The following WFDC2 variants were observed in gnomAD, a reference collection of about 807,000 sequenced individuals.
WFDC2 encodes the protein WAP four-disulfide core domain protein 2.
A neutral mutation model predicts 12.5 loss-of-function variants in WFDC2; 8 were observed. The observed-to-expected ratio is 0.64, with a 90% CI of 0.37 to 1.15. The LOEUF is 1.15. WFDC2 is among the 50% of genes most tolerant of loss of function. The probability of loss-of-function intolerance (pLI) is 0.01; values close to 1 mark genes in which losing one functional copy is unlikely to be tolerated. For synonymous variants in WFDC2, 74 were observed against 67.2 expected, an observed-to-expected ratio of 1.10 and a Z score of -0.49; for missense variants, 166 against 159.9, an observed-to-expected ratio of 1.04 and a Z score of -0.21.
intron 2 of WFDC2, among the ~76,000 whole-genome samples, chr20:45,478,003 C>T (rs950799894): frequency 6.6e-6 from 1 of 152,138 alleles, no homozygotes; most frequent in Non-Finnish European, 1.5e-5. Flanking sequence ...TGGTGGACGC[C>T]CCTCCCCCTA....
chr20:45,480,561 G>A (rs958204650), intron 3 of WFDC2, among the ~76,000 whole-genome samples: 1 of 152,090 alleles, frequency 6.6e-6, no homozygotes. Flanking sequence ...AGGTTGTGGT[G>A]AGCTGAGATC....
At chr20:45,473,747 G>A (rs1427746731) in intron 2 of WFDC2, among the ~76,000 whole-genome samples, 1 of 151,758 alleles carries the variant, frequency 6.6e-6, no homozygotes, top group Non-Finnish European at 1.5e-5. Context: ...GATGGGGATA[G>A]CATTGAATCT....
chr20:45,469,894 G>A (rs1020106238), intron 1 of WFDC2, 34 bp downstream of exon 1: 12 of 1,575,906 alleles, frequency 7.6e-6, no homozygotes, highest in Non-Finnish European at 1.0e-5. Context: ...GGCGCCTAGA[G>A]GGGCCGAGCC....
At chr20:45,480,835 C>G (rs2036782391) in intron 3 of WFDC2, among the ~76,000 whole-genome samples, 1 of 152,124 alleles carries the variant, frequency 6.6e-6, no homozygotes, top group Non-Finnish European at 1.5e-5. Context: ...CTATGGTCTC[C>G]CTGGAGCCAG....
chr20:45,471,675 A>G (rs1484528729), intron 2 of WFDC2, among the ~76,000 whole-genome samples: 1 of 152,192 alleles, frequency 6.6e-6, no homozygotes, highest in East Asian at 1.9e-4. Context: ...GGCAGCAGCC[A>G]GATGAGAGAG....
At chr20:45,473,033 G>GT (rs1347782328) in intron 2 of WFDC2, among the ~76,000 whole-genome samples, 10 of 152,022 alleles carry the variant, frequency 6.6e-5, no homozygotes, top group South Asian at 4.1e-4. Flanking sequence ...TTCTAATGGG[G>GT]TTTTTTTCTC....
At position 45,470,635 on chromosome 20, in the gene WFDC2, G is replaced by C. The variant is rs1317873884; in HGVS notation, c.223+103G>C. The C allele has an allele frequency of 2.8e-6, 4 of 1,427,274 alleles. No homozygotes were observed. Among genetic ancestry groups the C allele is most frequent in the Non-Finnish European group, 2.8e-6 (3 of 1,083,498 alleles). 88.4% of individuals were successfully genotyped at this position (1,427,274 alleles called of 1,614,324 possible). Reference sequence around the variant, plus strand: ...GAACAGGGGCGCCCCCGGACCCGGGGACCCCCGGGAAAGTCAAGGCGGTTG... The same window carrying C: ...GAACAGGGGCGCCCCCGGACCCGGGCACCCCCGGGAAAGTCAAGGCGGTTG... On this transcript the variant is annotated intron_variant, in intron 2 of 3. Transcript: ENST00000372676. This position sits in a 1 kb window ranked among gnomAD's most constrained non-coding sequence, Gnocchi z 5.4.
chr20:45,473,197 T>C (rs1030785049), intron 2 of WFDC2, among the ~76,000 whole-genome samples: 2 of 152,242 alleles, frequency 1.3e-5, no homozygotes, highest in African/African-American at 4.8e-5. Context: ...TGGATCCCAT[T>C]TGTCAATTTT....
At chr20:45,474,003 T>C (rs1307565287) in intron 2 of WFDC2, among the ~76,000 whole-genome samples, 1 of 152,238 alleles carries the variant, frequency 6.6e-6, no homozygotes, top group Admixed American at 6.5e-5. Context: ...TGTATAGGAA[T>C]ACTTGTGATT....
rs562270074 is a variant in WFDC2, at chr20:45,476,966, C to A, written c.224-2976C>A. Among the ~76,000 whole-genome samples, 132 of 151,770 alleles carry A rather than the reference C, an allele frequency of 8.7e-4. 1 individual carries two copies. The highest frequency in any genetic ancestry group is 2.7e-3 in the African/African-American group (113 of 41,384). Reference sequence around the variant, plus strand: ...ATATCCTTCTTCTGCTTGATCAATTCGGCTATTGATACTTGTATAGGCTTC... The same window carrying A: ...ATATCCTTCTTCTGCTTGATCAATTAGGCTATTGATACTTGTATAGGCTTC... On this transcript the variant is annotated intron_variant, in intron 2 of 3. Transcript: ENST00000372676.
intron 2 of WFDC2, among the ~76,000 whole-genome samples, chr20:45,472,761 G>A (rs1160986597): frequency 6.6e-6 from 1 of 152,194 alleles, no homozygotes; most frequent in Non-Finnish European, 1.5e-5. Flanking sequence ...CTTGAGGAAT[G>A]GCCACACTCT....
chr20:45,480,488 G>A (rs1017083995), intron 3 of WFDC2, among the ~76,000 whole-genome samples: 7 of 151,928 alleles, frequency 4.6e-5, no homozygotes, highest in Admixed American at 6.6e-5. Context: ...GTGTGGTGGC[G>A]GGTGCCACCC....
At chr20:45,473,586 C>T (rs1341701636) in intron 2 of WFDC2, among the ~76,000 whole-genome samples, 1 of 152,240 alleles carries the variant, frequency 6.6e-6, no homozygotes, top group East Asian at 1.9e-4. Flanking sequence ...GTTACTGTAG[C>T]CTTGTAGTAT....
At chr20:45,476,812 CA>C (rs1991239055) in intron 2 of WFDC2, among the ~76,000 whole-genome samples, 2 of 152,280 alleles carry the variant, frequency 1.3e-5, no homozygotes, top group African/African-American at 4.8e-5. Flanking sequence ...GTACATCAAT[CA>C]AACATAGGTT....
chr20:45,480,423 T>C (rs949076212), intron 3 of WFDC2, among the ~76,000 whole-genome samples: 10 of 145,518 alleles, frequency 6.9e-5, no homozygotes, highest in African/African-American at 2.6e-4. Flanking sequence ...CTGACCAACA[T>C]GGAGAAACCC....
chr20:45,479,318 T>C (rs1421370963), intron 2 of WFDC2: 2 of 364,710 alleles, frequency 5.5e-6, no homozygotes, highest in Non-Finnish European at 1.0e-5. Flanking sequence ...AGTTAACACA[T>C]AGACTCTGCA....
intron 2 of WFDC2, chr20:45,471,332 T>A: frequency 2.8e-6 from 1 of 353,614 alleles, no homozygotes; most frequent in Non-Finnish European, 5.8e-6. Flanking sequence ...AGGGGGTGGC[T>A]TAAACAGCAT....
In WFDC2 at chr20:45,480,105, G is replaced by A. The variant is rs573649246; in HGVS notation, c.*1+11G>A. On this transcript the variant is annotated intron_variant, in intron 3 of 3. Coordinates refer to ENST00000372676, the MANE Select transcript of WFDC2 (RefSeq NM_006103.4). Reference sequence around the variant, plus strand: ...CTCCCAATTTCTGAGGTAAGTGAACGGGAAAGAGAAAGTGCATTGATGGCC... The same window carrying A: ...CTCCCAATTTCTGAGGTAAGTGAACAGGAAAGAGAAAGTGCATTGATGGCC... 46 of 1,612,750 alleles carry A rather than the reference G, an allele frequency of 2.9e-5. No individual in the cohort carries two copies. Among genetic ancestry groups the A allele is most frequent in the South Asian group, 6.6e-5 (6 of 91,056 alleles).
intron 3 of WFDC2, among the ~76,000 whole-genome samples, chr20:45,480,320 G>T (rs571381456): frequency 6.6e-6 from 1 of 152,086 alleles, no homozygotes; most frequent in East Asian, 1.9e-4. Context: ...ATAAGCAAGA[G>T]CTTGGCTGGG....
Sources: allele counts gnomAD v4.1 joint callset (sites outside exome capture counted in the v4.1 genomes callset), GRCh38; gene constraint gnomAD v4.1.1; non-coding constraint Gnocchi (gnomAD v3.1); transcripts MANE v1.5; gene names NCBI Gene and HGNC (gene_info 2026-07-23, HGNC 2026-07-21).